The following VAV2 variants were observed in gnomAD, a reference collection of about 807,000 sequenced individuals.
The protein encoded by VAV2 is guanine nucleotide exchange factor VAV2.
In VAV2, 67 loss-of-function variants were observed where a neutral mutation model predicts 132.5. The observed-to-expected ratio is 0.51, with a 90% CI of 0.42 to 0.62. The LOEUF (loss-of-function observed/expected upper bound fraction) is 0.62, where lower values mean the gene tolerates loss of function less well. VAV2 is among the 20% of genes least tolerant of loss of function. The pLI is 0.00. For missense variants in VAV2, 938 were observed against 1,153.6 expected, an observed-to-expected ratio of 0.81 and a Z score of 2.71; for synonymous variants, 492 against 443.5, an observed-to-expected ratio of 1.11 and a Z score of -1.37.
Position 133,834,235 on chromosome 9 carries a change from C to G in VAV2, c.449+37G>C, listed in dbSNP as rs779528214. 7 of 1,586,304 alleles carry G rather than the reference C, an allele frequency of 4.4e-6. No individual in the cohort carries two copies. In the South Asian group the frequency reaches 6.9e-5, roughly 16 times the overall value. ...ACCACCAGGAACCTCCCTGCCCCTCCCTCCTCTCCATCCCTCCTCCCATCC... is the reference window on the plus strand; with the variant it reads ...ACCACCAGGAACCTCCCTGCCCCTCGCTCCTCTCCATCCCTCCTCCCATCC... On this transcript the variant is annotated intron_variant, in intron 4 of 29. Transcript: ENST00000371850. The surrounding 1 kb of genome is among the most constrained non-coding windows in gnomAD (Gnocchi z 5.9).
At chr9:133,817,669 A>G (rs1835614531) in intron 4 of VAV2, among the ~76,000 whole-genome samples, 1 of 152,318 alleles carries the variant, frequency 6.6e-6, no homozygotes, top group Non-Finnish European at 1.5e-5. Flanking sequence ...TTCAAGTTCA[A>G]CGACTTTTCC....
Position 133,969,208 on chromosome 9 carries a change from C to T in VAV2, c.204+22867G>A, listed in dbSNP as rs1314030962. On this transcript the variant is annotated intron_variant, in intron 1 of 29. Transcript: ENST00000371850. This position sits in a 1 kb window ranked among gnomAD's most constrained non-coding sequence, Gnocchi z 5.1. ...GATTCCACCGTGCCCGCCGGGCCTG[C>T]GAGGACGAGCCTCTGCACCTGCTTC... Among the ~76,000 whole-genome samples, 1 of 151,940 alleles carries T rather than the reference C, an allele frequency of 6.6e-6. No homozygotes were observed. Among genetic ancestry groups the T allele is most frequent in the Non-Finnish European group, 1.5e-5 (1 of 67,998 alleles).
At position 133,785,903 on chromosome 9, in the gene VAV2, G is replaced by A; in HGVS notation, c.1423-18C>T. 6.2e-7 allele frequency: 1 copy of A among 1,606,038 alleles called. No individual in the cohort carries two copies. Among genetic ancestry groups the A allele is most frequent in the Non-Finnish European group, 8.5e-7 (1 of 1,174,140 alleles). ...TAGGACCACTGCAGGGGGGAGAGGG[G>A]CCATGCTTGCAATAGACACGGCTTC... On this transcript the variant is annotated intron_variant, in intron 16 of 29. Coordinates refer to ENST00000371850, the MANE Select transcript of VAV2 (RefSeq NM_001134398.2).
At chr9:133,775,962 G>T in intron 24 of VAV2, 66 bp downstream of exon 24, 2 of 1,538,002 alleles carry the variant, frequency 1.3e-6, no homozygotes, top group South Asian at 1.2e-5. Flanking sequence ...ACCCAGACCC[G>T]GCGGGCATGC....
At chr9:133,851,445 G>A (rs1427946717) in intron 3 of VAV2, among the ~76,000 whole-genome samples, 1 of 152,182 alleles carries the variant, frequency 6.6e-6, no homozygotes, top group Non-Finnish European at 1.5e-5. Context: ...TGAGGTTCAG[G>A]GTGTAAGAAA....
intron 2 of VAV2, among the ~76,000 whole-genome samples, chr9:133,876,420 A>G (rs964620948): frequency 6.6e-6 from 1 of 152,094 alleles, no homozygotes; most frequent in African/African-American, 2.4e-5. Flanking sequence ...CTATTCCCCT[A>G]AGGAAGGCAG....
At chr9:133,764,900 C>CA (rs1443784208) in intron 29 of VAV2, among the ~76,000 whole-genome samples, 10 of 152,024 alleles carry the variant, frequency 6.6e-5, no homozygotes, top group African/African-American at 2.2e-4. Context: ...GCCACAGGTT[C>CA]AAAAAAATCT....
intron 2 of VAV2, among the ~76,000 whole-genome samples, chr9:133,923,790 A>G (rs955643888): frequency 3.9e-5 from 6 of 152,234 alleles, no homozygotes; most frequent in Non-Finnish European, 8.8e-5. Flanking sequence ...GCACATATAT[A>G]CCATGGAATA....
At chr9:133,786,823 G>T (rs1834245245) in intron 16 of VAV2, among the ~76,000 whole-genome samples, 1 of 152,218 alleles carries the variant, frequency 6.6e-6, no homozygotes, top group South Asian at 2.1e-4. Flanking sequence ...GGTTAGAAAA[G>T]ATGGCGGGAA....
intron 1 of VAV2, among the ~76,000 whole-genome samples, chr9:133,950,169 G>T (rs1283992795): frequency 6.6e-6 from 1 of 152,208 alleles, no homozygotes; most frequent in Non-Finnish European, 1.5e-5. Flanking sequence ...AGGCAGGCAG[G>T]GCCAGGCCAA....
chr9:133,977,013 G>A (rs1023603511), intron 1 of VAV2, among the ~76,000 whole-genome samples: 7 of 152,236 alleles, frequency 4.6e-5, no homozygotes, highest in African/African-American at 1.2e-4. Context: ...CTCTCCTACA[G>A]CCAGGGACTG....
In VAV2 at chr9:133,834,716, G is replaced by A. The variant is rs947406145; in HGVS notation, c.381-376C>T. Among the ~76,000 whole-genome samples, 5 of 152,214 alleles carry A rather than the reference G, an allele frequency of 3.3e-5. No homozygotes were observed. The highest frequency in any genetic ancestry group is 7.2e-5 in the African/African-American group (3 of 41,458). ...CCAGGGGGTTCACAGTGGAGATGAG[G>A]CTCCTCGCACACCTCCTGGTGGGCA... On this transcript the variant is annotated intron_variant, in intron 3 of 29. Coordinates refer to ENST00000371850, the MANE Select transcript of VAV2 (RefSeq NM_001134398.2). This position sits in a 1 kb window ranked among gnomAD's most constrained non-coding sequence, Gnocchi z 5.9.
intron 26 of VAV2, among the ~76,000 whole-genome samples, chr9:133,771,115 G>A (rs1459092807): frequency 6.8e-6 from 1 of 147,712 alleles, no homozygotes; most frequent in Non-Finnish European, 1.5e-5. Context: ...CCAGGCTGGA[G>A]TGCAAGGGCG....
At chr9:133,776,218 C>T (rs1036754229) in intron 23 of VAV2, 138 bp from the exon 24 acceptor site, 12 of 1,231,612 alleles carry the variant, frequency 9.7e-6, no homozygotes, top group South Asian at 3.6e-5. Flanking sequence ...TTAGCCCCAG[C>T]GCCCCTGGCC....
At chr9:133,786,732 C>T (rs1397895267) in intron 16 of VAV2, among the ~76,000 whole-genome samples, 2 of 152,254 alleles carry the variant, frequency 1.3e-5, no homozygotes, top group African/African-American at 2.4e-5. Context: ...ACCCCACAGG[C>T]CTCGCCATCT....
At position 133,992,048 on chromosome 9, in the gene VAV2, G is replaced by C; in HGVS notation, c.204+27C>G. ...GGGCAGCGCGAACGCCGCCTCCCCG[G>C]GGCCCTCCCGCCCGCCGGGCGCTCA... On this transcript the variant is annotated intron_variant, in intron 1 of 29. Coordinates refer to ENST00000371850, the MANE Select transcript of VAV2 (RefSeq NM_001134398.2). This position sits in a 1 kb window ranked among gnomAD's most constrained non-coding sequence, Gnocchi z 5.5. 5.9e-6 allele frequency: 9 copies of C among 1,514,494 alleles called. No homozygotes were observed. The highest frequency in any genetic ancestry group is 8.0e-6 in the Non-Finnish European group (9 of 1,130,652). The allele number at this position is 1,514,494 out of a possible 1,614,324, so 93.8% of individuals were successfully genotyped here.
chr9:133,810,330 A>T, intron 5 of VAV2, 125 bp from the exon 6 acceptor site: 1 of 1,483,340 alleles, frequency 6.7e-7, no homozygotes, highest in Non-Finnish European at 9.2e-7. Flanking sequence ...AAGCCACATC[A>T]CGGCCCCTCG....
chr9:133,787,722 T>C (rs752176154), intron 15 of VAV2, among the ~76,000 whole-genome samples: 4 of 148,124 alleles, frequency 2.7e-5, no homozygotes, highest in Non-Finnish European at 4.4e-5. Context: ...CCTATAGCCA[T>C]GGTCCTGCCC....
intron 3 of VAV2, among the ~76,000 whole-genome samples, chr9:133,856,992 C>T (rs776580948): frequency 6.6e-6 from 1 of 152,206 alleles, no homozygotes; most frequent in Non-Finnish European, 1.5e-5. Context: ...ACAGAGCAAC[C>T]CCGCGAGGCA....
Sources: gnomAD v4.1 joint callset for allele counts (sites outside exome capture counted in the v4.1 genomes callset) on GRCh38, gnomAD v4.1.1 for gene constraint, Gnocchi (gnomAD v3.1) non-coding constraint, MANE v1.5 for transcripts, NCBI Gene and HGNC (gene_info 2026-07-23, HGNC 2026-07-21) for gene names.